Variants in KIF26B observed in about 807,000 individuals in gnomAD.
KIF26B encodes kinesin-like protein KIF26B.
In KIF26B, 63 loss-of-function variants were observed where a neutral mutation model predicts 151.2. The ratio of observed to expected loss-of-function variants is 0.42; its 90% confidence interval spans 0.34 to 0.51. The LOEUF (loss-of-function observed/expected upper bound fraction) is 0.51, where lower values mean the gene tolerates loss of function less well. KIF26B is among the 20% of genes least tolerant of loss of function. The pLI is 0.07. For missense variants in KIF26B, 2,813 were observed against 2,913.6 expected (o/e 0.97, Z 0.79); for synonymous variants, 1,357 against 1,262.1 (o/e 1.08, Z -1.59).
intron 10 of KIF26B, among the ~76,000 whole-genome samples, chr1:245,658,183 T>C (rs1037322855): frequency 6.6e-6 from 1 of 152,228 alleles, no homozygotes; most frequent in East Asian, 1.9e-4. Flanking sequence ...TATTTCATTT[T>C]TGAGATCCAT....
chr1:245,392,558 C>T (rs1349755183), intron 3 of KIF26B, among the ~76,000 whole-genome samples: 1 of 152,132 alleles, frequency 6.6e-6, no homozygotes, highest in Non-Finnish European at 1.5e-5. Flanking sequence ...TCTCTATGGT[C>T]TTAGAGCTTC....
chr1:245,186,827 A>G (rs1204800698), intron 2 of KIF26B, among the ~76,000 whole-genome samples: 1 of 152,160 alleles, frequency 6.6e-6, no homozygotes, highest in Non-Finnish European at 1.5e-5. Flanking sequence ...AATGTTGGAT[A>G]AAAAGCCAAA....
chr1:245,291,583 G>A (rs1169367420), intron 2 of KIF26B, among the ~76,000 whole-genome samples: 1 of 152,088 alleles, frequency 6.6e-6, no homozygotes, highest in Non-Finnish European at 1.5e-5. Context: ...TGAGCATCTT[G>A]TATAAACTAG....
chr1:245,234,273 CTTTG>C (rs1301764749), intron 2 of KIF26B: 1 of 152,182 alleles, frequency 6.6e-6, no homozygotes, highest in Admixed American at 6.5e-5. Context: ...GTTGTTGGAA[CTTTG>C]TTTGATACCT....
intron 2 of KIF26B, among the ~76,000 whole-genome samples, chr1:245,238,291 G>T (rs1008429522): frequency 1.3e-5 from 2 of 152,032 alleles, no homozygotes; most frequent in Non-Finnish European, 2.9e-5. Context: ...AGCCGAGATC[G>T]CACCACTGTG....
rs1452812800 is a variant in KIF26B, at chr1:245,495,521, T to C, written c.1167-45246T>C. ...TTGAAAATCTTTTCTTCTAGCTTTT[T>C]GAAAACATACAATAAATCATCATTA... On this transcript the variant is annotated intron_variant, in intron 4 of 14. Transcript: ENST00000407071. This position sits in a 1 kb window ranked among gnomAD's most constrained non-coding sequence, Gnocchi z 4.2. Among the ~76,000 whole-genome samples, 1 of 152,198 alleles carries C rather than the reference T, an allele frequency of 6.6e-6. No individual in the cohort carries two copies. The highest frequency in any genetic ancestry group is 1.9e-4 in the East Asian group (1 of 5,206).
chr1:245,243,481 T>TATATATAC lies in KIF26B; in HGVS notation c.465+86799_465+86800insTATATACA, dbSNP rs879880728. Among the ~76,000 whole-genome samples, 13 of 151,758 alleles carry TATATATAC rather than the reference T, an allele frequency of 8.6e-5. No homozygotes were observed. In the South Asian group the frequency reaches 1.5e-3, roughly 17 times the overall value. The stretch of plus-strand genomic sequence containing the variant: ...ACACACACACACACACATATATATA[T>TATATATAC]ACACACATACATAAAAGGATCTTTT... On this transcript the variant is annotated intron_variant, in intron 2 of 14. Transcript: ENST00000407071.
At chr1:245,547,599 A>C (rs1444124668) in intron 5 of KIF26B, among the ~76,000 whole-genome samples, 4 of 151,764 alleles carry the variant, frequency 2.6e-5, no homozygotes, top group Non-Finnish European at 5.9e-5. Context: ...AAAAAAAAAA[A>C]AAAAAAAGTG....
chr1:245,222,464 T>G (rs1669794501), intron 2 of KIF26B, among the ~76,000 whole-genome samples: 1 of 151,986 alleles, frequency 6.6e-6, no homozygotes, highest in African/African-American at 2.4e-5. Flanking sequence ...ACAAAAACAC[T>G]AACGTATACT....
In KIF26B at chr1:245,684,296, G is replaced by T. The variant is rs1360618638; in HGVS notation, c.2322G>T (p.Met774Ile). The T allele has an allele frequency of 6.2e-6, 10 of 1,613,980 alleles. No homozygotes were observed. Residue 774 changes from methionine to isoleucine, a missense_variant, in exon 11 of 15, where the codon ATG becomes ATT. By Grantham distance (10) the Met-to-Ile change is conservative. This residue lies in a region of KIF26B where 2,060 missense variants were observed against 2,088.6 expected (regional missense o/e 0.99). Transcript: ENST00000407071. ...GGAACATGAACTGCCGTACCACCAT[G>T]ATCGCGCACATCTCGGCCGCGGTCG... Reference protein sequence around the residue: ...SLGNMNCRTTMIAHISAAVGS... With the variant: ...SLGNMNCRTTIIAHISAAVGS...
Position 245,687,477 on chromosome 1 carries a change from G to A in KIF26B, c.4494G>A (p.Ser1498=), listed in dbSNP as rs1335798961. ...DRLSSSSGEV[S]ASPVTDNFRR... ...TCAGCAGCAGCAGCGGAGAGGTGTC[G>A]GCCTCCCCGGTCACTGACAACTTCA... Residue 1498 remains serine (S), a synonymous_variant, in exon 12 of 15, where the codon TCG becomes TCA. Coordinates refer to ENST00000407071, the MANE Select transcript of KIF26B (RefSeq NM_018012.4). The surrounding 1 kb of genome is among the most constrained non-coding windows in gnomAD (Gnocchi z 4.9). 6.3e-7 allele frequency: 1 copy of A among 1,583,368 alleles called. No homozygotes were observed. Among genetic ancestry groups the A allele is most frequent in the East Asian group, 2.3e-5 (1 of 43,164 alleles).
chr1:245,486,378 T>C (rs1056182842), intron 4 of KIF26B, among the ~76,000 whole-genome samples: 8 of 120,948 alleles, frequency 6.6e-5, no homozygotes, highest in African/African-American at 1.9e-4. Flanking sequence ...TAAGATAGAG[T>C]TGGCAATTTA....
chr1:245,273,985 A>G (rs1306812375), intron 2 of KIF26B, among the ~76,000 whole-genome samples: 4 of 151,852 alleles, frequency 2.6e-5, no homozygotes, highest in Admixed American at 2.0e-4. Context: ...TCTTCTAGCA[A>G]TGTTCTTTGA....
intron 2 of KIF26B, among the ~76,000 whole-genome samples, chr1:245,200,322 C>T (rs1342223699): frequency 6.6e-6 from 1 of 152,196 alleles, no homozygotes; most frequent in African/African-American, 2.4e-5. Flanking sequence ...GAGTCTGGTT[C>T]ATCTTGTCTA....
intron 2 of KIF26B, among the ~76,000 whole-genome samples, chr1:245,168,329 G>A (rs1231793763): frequency 6.6e-6 from 1 of 152,242 alleles, no homozygotes; most frequent in Non-Finnish European, 1.5e-5. Flanking sequence ...CGGAGGGGCC[G>A]GTAGCGCCGT....
In KIF26B at chr1:245,394,804, C is replaced by T. The variant is rs985284773; in HGVS notation, c.1000-24775C>T. On this transcript the variant is annotated intron_variant, in intron 3 of 14. Transcript: ENST00000407071. Reference sequence around the variant, plus strand: ...CTCCCAGGTTCAAGTGAGTCTCCTGCCTCAGCCTCCCGAGTAGCTGATATT... The same window carrying T: ...CTCCCAGGTTCAAGTGAGTCTCCTGTCTCAGCCTCCCGAGTAGCTGATATT... Among the ~76,000 whole-genome samples, 6 of 150,806 alleles carry T rather than the reference C, an allele frequency of 4.0e-5. No individual in the cohort carries two copies. In the South Asian group the frequency reaches 6.3e-4, roughly 16 times the overall value.
intron 2 of KIF26B, among the ~76,000 whole-genome samples, chr1:245,275,925 T>C (rs1573747204): frequency 2.0e-5 from 3 of 152,330 alleles, no homozygotes; most frequent in Admixed American, 2.0e-4. Flanking sequence ...TTTTATTCTT[T>C]CAGCACTTTG....
chr1:245,304,367 T>C (rs890266979), intron 2 of KIF26B, among the ~76,000 whole-genome samples: 14 of 152,220 alleles, frequency 9.2e-5, no homozygotes, highest in Admixed American at 2.6e-4. Context: ...GGCAAGTGCT[T>C]CTGCTAATTG....
intron 4 of KIF26B, among the ~76,000 whole-genome samples, chr1:245,450,575 A>G (rs1236770726): frequency 2.0e-5 from 3 of 152,174 alleles, no homozygotes; most frequent in African/African-American, 4.8e-5. Context: ...GCTACCATTC[A>G]TTGTTGGTGC....
Sources: gnomAD v4.1 joint callset for allele counts (sites outside exome capture counted in the v4.1 genomes callset) on GRCh38, gnomAD v4.1.1 for gene constraint, gnomAD v4.1.1 regional missense constraint, Gnocchi (gnomAD v3.1) non-coding constraint, MANE v1.5 for transcripts, NCBI Gene and HGNC (gene_info 2026-07-23, HGNC 2026-07-21) for gene names.